SLC45A4: variants seen among roughly 807,000 people sequenced by gnomAD.
SLC45A4 encodes the protein polyamine-transporter SLC45A4.
In SLC45A4, 32 loss-of-function variants were observed where a neutral mutation model predicts 63.7. The observed-to-expected ratio is 0.50, with a 90% CI of 0.38 to 0.67. SLC45A4 has a LOEUF of 0.67. Among genes scored for constraint, SLC45A4 ranks in the 30% least tolerant of loss-of-function variants. The pLI is 0.00. For missense variants in SLC45A4, 1,027 were observed against 1,157.7 expected (o/e 0.89, Z 1.64); for synonymous variants, 535 against 510.0 (o/e 1.05, Z -0.66).
At chr8:141,289,706 C>T (rs574889260) in intron 1 of SLC45A4, among the ~76,000 whole-genome samples, 35 of 152,220 alleles carry the variant, frequency 2.3e-4, no homozygotes, top group Admixed American at 1.8e-3. Context: ...GGGTCCCCTG[C>T]GGCTGTGGCC....
intron 1 of SLC45A4, among the ~76,000 whole-genome samples, chr8:141,296,101 T>C (rs34510023): frequency 0.14 from 21,076 of 152,128 alleles, 1,773 homozygotes; most frequent in Non-Finnish European, 0.19. Flanking sequence ...GAGGCTGTGG[T>C]GGGCGGATCA....
intron 2 of SLC45A4, among the ~76,000 whole-genome samples, chr8:141,239,046 A>G (rs1827769092): frequency 6.6e-6 from 1 of 151,882 alleles, no homozygotes; most frequent in African/African-American, 2.4e-5. Flanking sequence ...AAAATTAACC[A>G]CCCGGCTGCT....
chr8:141,239,818 C>T (rs1307448477), intron 2 of SLC45A4, among the ~76,000 whole-genome samples: 11 of 152,218 alleles, frequency 7.2e-5, no homozygotes, highest in Admixed American at 6.5e-5. Context: ...CTGCAGGTGA[C>T]TCAGTGCGGG....
intron 7 of SLC45A4, among the ~76,000 whole-genome samples, chr8:141,213,205 T>TAGAC (rs10625281): frequency 0.66 from 100,261 of 151,652 alleles, 33,985 homozygotes; most frequent in African/African-American, 0.81. Flanking sequence ...TTTCAGAAAA[T>TAGAC]AGAAGCAGGA....
At position 141,296,452 on chromosome 8, in the gene SLC45A4, T is replaced by C. The variant is rs1830553543; in HGVS notation, c.-401+11644A>G. On this transcript the variant is annotated intron_variant, in intron 1 of 8. Coordinates refer to ENST00000517878, the MANE Select transcript of SLC45A4 (RefSeq NM_001286646.2). ...GAATTCAAGCTGTAGTGAGCTATGA[T>C]TGCACTGCTGCACTCCAGCCTGGGT... Among the ~76,000 whole-genome samples the C allele has an allele frequency of 2.1e-5, 3 of 145,848 alleles. No individual in the cohort carries two copies. The Admixed American group carries it at 2.1e-4, about 10-fold the overall frequency.
intron 2 of SLC45A4, among the ~76,000 whole-genome samples, chr8:141,224,054 G>C (rs1826829094): frequency 6.6e-6 from 1 of 150,832 alleles, no homozygotes; most frequent in African/African-American, 2.4e-5. Context: ...GACGACAAAT[G>C]CTCTTGGATT....
intron 1 of SLC45A4, among the ~76,000 whole-genome samples, chr8:141,290,670 G>A (rs1830313415): frequency 6.6e-6 from 1 of 152,198 alleles, no homozygotes; most frequent in South Asian, 2.1e-4. Context: ...CCCTCCTCCA[G>A]GGCTGCCAAA....
intron 2 of SLC45A4, among the ~76,000 whole-genome samples, chr8:141,233,056 G>C (rs1827447555): frequency 6.6e-6 from 1 of 152,206 alleles, no homozygotes; most frequent in Non-Finnish European, 1.5e-5. Flanking sequence ...AAAGGGAGTC[G>C]GGCATTAGGA....
intron 2 of SLC45A4, among the ~76,000 whole-genome samples, chr8:141,242,538 G>C (rs1395288777): frequency 6.6e-6 from 1 of 152,212 alleles, no homozygotes; most frequent in Non-Finnish European, 1.5e-5. Context: ...GGGCGAGACA[G>C]TGCTGGGAAA....
chr8:141,227,261 G>T lies in SLC45A4; in HGVS notation c.242-5496C>A, dbSNP rs1250637542. Among the ~76,000 whole-genome samples, 2 of 152,294 alleles carry T rather than the reference G, an allele frequency of 1.3e-5. No individual in the cohort carries two copies. The highest frequency in any genetic ancestry group is 2.1e-4 in the South Asian group (1 of 4,826). On this transcript the variant is annotated intron_variant, in intron 2 of 8. Transcript: ENST00000517878. The surrounding 1 kb of genome is among the most constrained non-coding windows in gnomAD (Gnocchi z 4.4). Reference sequence around the variant, plus strand: ...GGGCGACGCTCGGGTCACGTGTGGCGGCTCCTGTTCACAGTGCCGTGTGTG... The same window carrying T: ...GGGCGACGCTCGGGTCACGTGTGGCTGCTCCTGTTCACAGTGCCGTGTGTG...
At chr8:141,269,526 G>A in intron 1 of SLC45A4, among the ~76,000 whole-genome samples, 1 of 151,326 alleles carries the variant, frequency 6.6e-6, no homozygotes, top group East Asian at 2.0e-4. Flanking sequence ...ATCGATGTCT[G>A]CCTATGTGGG....
At chr8:141,286,745 C>G (rs1034786841) in intron 1 of SLC45A4, among the ~76,000 whole-genome samples, 21 of 145,230 alleles carry the variant, frequency 1.4e-4, no homozygotes, top group Non-Finnish European at 2.4e-4. Context: ...CCCGCCCCCC[C>G]GCTCCCCACC....
intron 1 of SLC45A4, among the ~76,000 whole-genome samples, chr8:141,257,769 G>A (rs996778993): frequency 2.6e-5 from 4 of 152,190 alleles, no homozygotes; most frequent in South Asian, 2.1e-4. Flanking sequence ...TCTTATAGGC[G>A]GAGGCCAGGG....
intron 1 of SLC45A4, among the ~76,000 whole-genome samples, chr8:141,287,149 A>C (rs1336815924): frequency 6.6e-6 from 1 of 152,136 alleles, no homozygotes; most frequent in African/African-American, 2.4e-5. Flanking sequence ...ACAACTGAAA[A>C]CCACACACGA....
chr8:141,219,329 G>A (rs1160520630), intron 4 of SLC45A4, among the ~76,000 whole-genome samples: 1 of 152,250 alleles, frequency 6.6e-6, no homozygotes, highest in Non-Finnish European at 1.5e-5. Flanking sequence ...AGCTGGCCAC[G>A]TTCACCCTGG....
chr8:141,296,900 A>G (rs1384040879), intron 1 of SLC45A4, among the ~76,000 whole-genome samples: 4 of 151,438 alleles, frequency 2.6e-5, no homozygotes, highest in Admixed American at 6.6e-5. Context: ...ATGAAGACAG[A>G]GCAAGAAGGG....
At chr8:141,249,699 A>G (rs955792774) in intron 2 of SLC45A4, among the ~76,000 whole-genome samples, 3 of 152,196 alleles carry the variant, frequency 2.0e-5, no homozygotes, top group African/African-American at 7.2e-5. Flanking sequence ...TCCAAATCCA[A>G]TCATAAGCAC....
chr8:141,264,103 C>T (rs1413635380), intron 1 of SLC45A4, among the ~76,000 whole-genome samples: 3 of 152,180 alleles, frequency 2.0e-5, no homozygotes, highest in African/African-American at 4.8e-5. Context: ...CGTTTAAGAA[C>T]GCAAGAGCAT....
At chr8:141,228,442 G>A in intron 2 of SLC45A4, 1 of 1,405,244 alleles carries the variant, frequency 7.1e-7, no homozygotes, top group Non-Finnish European at 9.3e-7. Context: ...CGCAGCTGCT[G>A]TCCTGTCTCA....
Sources: allele counts gnomAD v4.1 joint callset (sites outside exome capture counted in the v4.1 genomes callset), GRCh38; gene constraint gnomAD v4.1.1; non-coding constraint Gnocchi (gnomAD v3.1); transcripts MANE v1.5; gene names NCBI Gene and HGNC (gene_info 2026-07-23, HGNC 2026-07-21).